Variants in VPS37C observed in about 807,000 individuals in gnomAD.
VPS37C encodes the protein vacuolar protein sorting-associated protein 37C.
A neutral mutation model predicts 16.1 loss-of-function variants in VPS37C; 9 were observed. The observed-to-expected ratio is 0.56, with a 90% confidence interval of 0.34 to 0.97. VPS37C has a LOEUF of 0.97. Among genes scored for constraint, VPS37C ranks in the 50% least tolerant of loss-of-function variants. VPS37C has a pLI of 0.02. For missense variants in VPS37C, 479 were observed against 472.7 expected, an observed-to-expected ratio of 1.01 and a Z score of -0.12; for synonymous variants, 207 against 206.4, an observed-to-expected ratio of 1.00 and a Z score of -0.02.
At chr11:61,139,741 C>CTTTTTTT (rs545629004) in intron 1 of VPS37C, among the ~76,000 whole-genome samples, 1 of 77,832 alleles carries the variant, frequency 1.3e-5, no homozygotes, top group African/African-American at 5.2e-5. Context: ...CATTCCATAG[C>CTTTTTTT]TTTTTTTTTT....
intron 1 of VPS37C, among the ~76,000 whole-genome samples, chr11:61,153,025 G>A (rs1283090817): frequency 6.6e-6 from 1 of 152,192 alleles, no homozygotes; most frequent in Non-Finnish European, 1.5e-5. Flanking sequence ...AAGAGTGTGA[G>A]CTCCCCAAGG....
At chr11:61,153,793 G>A (rs1451418418) in intron 1 of VPS37C, among the ~76,000 whole-genome samples, 1 of 152,168 alleles carries the variant, frequency 6.6e-6, no homozygotes. Flanking sequence ...CAGAGTACCA[G>A]AGAGGAAAGG....
intron 1 of VPS37C, among the ~76,000 whole-genome samples, chr11:61,142,240 A>G (rs1257950378): frequency 1.3e-5 from 2 of 152,132 alleles, no homozygotes; most frequent in Non-Finnish European, 1.5e-5. Flanking sequence ...GTGGAAGAAA[A>G]ATTTTTTTTC....
At chr11:61,133,092 T>C (rs1406458325) in intron 4 of VPS37C, 163 bp downstream of exon 4, 1 of 778,012 alleles carries the variant, frequency 1.3e-6, no homozygotes, top group Non-Finnish European at 2.2e-6. Flanking sequence ...CTGTTATTTA[T>C]ACCCAAAAGG....
intron 1 of VPS37C, among the ~76,000 whole-genome samples, chr11:61,153,344 C>T (rs765478772): frequency 2.2e-4 from 34 of 152,230 alleles, no homozygotes; most frequent in Middle Eastern, 3.2e-3. Flanking sequence ...TCACCTTCTG[C>T]CATGATTGTA....
chr11:61,149,259 C>T (rs566653630), intron 1 of VPS37C, among the ~76,000 whole-genome samples: 1 of 152,288 alleles, frequency 6.6e-6, no homozygotes, highest in South Asian at 2.1e-4. Context: ...GCATCCCAGC[C>T]TCGGCGACAG....
chr11:61,150,791 T>C (rs969859111), intron 1 of VPS37C, among the ~76,000 whole-genome samples: 82 of 152,142 alleles, frequency 5.4e-4, no homozygotes, highest in African/African-American at 1.9e-3. Flanking sequence ...CTGTGATGTC[T>C]TGCCAGCAGC....
intron 1 of VPS37C, among the ~76,000 whole-genome samples, chr11:61,142,860 C>T (rs11230608): frequency 0.53 from 69,844 of 132,846 alleles, 19,307 homozygotes; most frequent in East Asian, 0.99. Context: ...TGCTAGATGA[C>T]GAGTTAGTGG....
intron 1 of VPS37C, among the ~76,000 whole-genome samples, chr11:61,160,063 A>AGAAC (rs1178649942): frequency 1.3e-5 from 2 of 152,216 alleles, no homozygotes; most frequent in Non-Finnish European, 1.5e-5. Context: ...AGAAAGCCCT[A>AGAAC]GAACAGTGCC....
At chr11:61,153,662 AC>A (rs1853335811) in intron 1 of VPS37C, among the ~76,000 whole-genome samples, 1 of 152,210 alleles carries the variant, frequency 6.6e-6, no homozygotes, top group Admixed American at 6.5e-5. Context: ...GTGGGAAACA[AC>A]CAAGGTGAGT....
At chr11:61,149,225 G>A (rs1280878383) in intron 1 of VPS37C, among the ~76,000 whole-genome samples, 1 of 152,196 alleles carries the variant, frequency 6.6e-6, no homozygotes, top group Non-Finnish European at 1.5e-5. Context: ...GACGGAGCTT[G>A]CAGTGAGCCG....
intron 1 of VPS37C, among the ~76,000 whole-genome samples, chr11:61,155,104 CAA>C (rs61061689): frequency 0.77 from 100,401 of 130,622 alleles, 37,683 homozygotes; most frequent in East Asian, 0.99. Flanking sequence ...ACTCTGTCTC[CAA>C]AAAAAAAAAA....
chr11:61,156,504 G>C (rs1853378583), intron 1 of VPS37C, among the ~76,000 whole-genome samples: 1 of 152,094 alleles, frequency 6.6e-6, no homozygotes, highest in African/African-American at 2.4e-5. Flanking sequence ...AGAATCATTT[G>C]AACCCAGGAG....
At chr11:61,148,155 G>C (rs937784353) in intron 1 of VPS37C, among the ~76,000 whole-genome samples, 1 of 152,192 alleles carries the variant, frequency 6.6e-6, no homozygotes, top group Non-Finnish European at 1.5e-5. Flanking sequence ...TGGCTGCTGA[G>C]ATCGTGCAGG....
At chr11:61,139,208 G>T (rs557259518) in intron 1 of VPS37C, among the ~76,000 whole-genome samples, 1 of 152,216 alleles carries the variant, frequency 6.6e-6, no homozygotes, top group Admixed American at 6.5e-5. Context: ...AAGGCTGCCC[G>T]CAAGCACTGA....
At chr11:61,160,007 C>A (rs1219500498) in intron 1 of VPS37C, among the ~76,000 whole-genome samples, 1 of 150,684 alleles carries the variant, frequency 6.6e-6, no homozygotes, top group Non-Finnish European at 1.5e-5. Context: ...ATCTGTAAAA[C>A]GGGATCATCA....
At chr11:61,157,582 G>A (rs190225109) in intron 1 of VPS37C, among the ~76,000 whole-genome samples, 41 of 152,130 alleles carry the variant, frequency 2.7e-4, no homozygotes, top group South Asian at 6.2e-4. Context: ...CTTTTGAATC[G>A]GGTTGTTTTT....
At chr11:61,152,913 C>G (rs918756633) in intron 1 of VPS37C, among the ~76,000 whole-genome samples, 1 of 152,234 alleles carries the variant, frequency 6.6e-6, no homozygotes, top group Non-Finnish European at 1.5e-5. Flanking sequence ...CTCTCTAAAG[C>G]TTTCCTTGCT....
chr11:61,146,039 T>C (rs1853202488), intron 1 of VPS37C, among the ~76,000 whole-genome samples: 1 of 152,186 alleles, frequency 6.6e-6, no homozygotes, highest in African/African-American at 2.4e-5. Flanking sequence ...CTCATCTTCG[T>C]CAACCCAAGC....
Sources: allele counts gnomAD v4.1 joint callset (sites outside exome capture counted in the v4.1 genomes callset), GRCh38; gene constraint gnomAD v4.1.1; transcripts MANE v1.5; gene names NCBI Gene and HGNC (gene_info 2026-07-23, HGNC 2026-07-21).